Variants in PAWR observed in about 807,000 individuals in gnomAD.
PAWR encodes PRKC apoptosis WT1 regulator protein.
A neutral mutation model predicts 32.0 loss-of-function variants in PAWR; 23 were observed. That is an observed-to-expected ratio of 0.72 (90% confidence interval 0.52 to 1.02). The LOEUF (loss-of-function observed/expected upper bound fraction) is 1.02, where lower values mean the gene tolerates loss of function less well. Ranked by LOEUF, PAWR falls within the 50% of genes least tolerant of loss-of-function variation. PAWR has a pLI of 0.00. For synonymous variants in PAWR, 226 were observed against 187.1 expected (o/e 1.21, Z -1.70); for missense variants, 457 against 437.7 (o/e 1.04, Z -0.39).
At chr12:79,601,476 A>G (rs1873960098) in intron 4 of PAWR, among the ~76,000 whole-genome samples, 1 of 152,080 alleles carries the variant, frequency 6.6e-6, no homozygotes, top group South Asian at 2.1e-4. Context: ...AAGTGCTTGG[A>G]GTAGAAGTCT....
chr12:79,611,644 T>C (rs1282470015), intron 4 of PAWR, among the ~76,000 whole-genome samples: 1 of 151,986 alleles, frequency 6.6e-6, no homozygotes, highest in African/African-American at 2.4e-5. Flanking sequence ...TAGATGGCAT[T>C]AAAATGGAGC....
chr12:79,627,710 A>G (rs919206277), intron 2 of PAWR, among the ~76,000 whole-genome samples: 4 of 152,164 alleles, frequency 2.6e-5, no homozygotes, highest in African/African-American at 2.4e-5. Context: ...TGAGACAAAG[A>G]AGGCCAATAC....
chr12:79,671,677 T>C (rs1052105723), intron 2 of PAWR, among the ~76,000 whole-genome samples: 10 of 152,238 alleles, frequency 6.6e-5, no homozygotes, highest in Non-Finnish European at 1.5e-4. Flanking sequence ...CTTTTTATGA[T>C]AATTAAATAA....
chr12:79,608,129 T>C lies in PAWR; in HGVS notation c.683+5446A>G, dbSNP rs531532539. Among the ~76,000 whole-genome samples the C allele has an allele frequency of 3.3e-5, 5 of 152,260 alleles. No homozygotes were observed. The South Asian group carries it at 8.3e-4, about 25-fold the overall frequency. ...GTGTTGCAACATCTTAAATCTTGAATGAAAACTATGTTTCTAAATAAATTA... is the reference window on the plus strand; with the variant it reads ...GTGTTGCAACATCTTAAATCTTGAACGAAAACTATGTTTCTAAATAAATTA... On this transcript the variant is annotated intron_variant, in intron 4 of 6. Transcript: ENST00000328827.
chr12:79,589,985 AGCAGATCCTAC>A lies in PAWR; in HGVS notation c.*2611_*2621del. The A allele has an allele frequency of 6.6e-6, 1 of 152,180 alleles. No individual in the cohort carries two copies. The highest frequency in any genetic ancestry group is 1.5e-5 in the Non-Finnish European group (1 of 68,026). 9.4% of individuals were successfully genotyped at this position (152,180 alleles called of 1,614,324 possible). On this transcript the variant is annotated 3_prime_UTR_variant, in exon 7 of 7. Coordinates refer to ENST00000328827, the MANE Select transcript of PAWR (RefSeq NM_002583.4). ...TTTATAAATTTTCAGGTGAAACTGT[AGCAGATCCTAC>A]TTTATTTTTCAATGGTTAGTGTAAA...
At chr12:79,653,325 T>C (rs1876941952) in intron 2 of PAWR, among the ~76,000 whole-genome samples, 2 of 152,154 alleles carry the variant, frequency 1.3e-5, no homozygotes, top group African/African-American at 4.8e-5. Context: ...CGTGAGCCAC[T>C]GCACCCAGCC....
At chr12:79,669,317 G>A (rs954753215) in intron 2 of PAWR, among the ~76,000 whole-genome samples, 1 of 152,150 alleles carries the variant, frequency 6.6e-6, no homozygotes, top group Admixed American at 6.5e-5. Context: ...AACTTTCCCT[G>A]CATGGAGGGA....
At chr12:79,598,110 A>G (rs1873830568) in intron 4 of PAWR, 1 of 152,264 alleles carries the variant, frequency 6.6e-6, no homozygotes, top group Admixed American at 6.5e-5. Context: ...TGTCGGTCAT[A>G]ACGCAACCTC....
At chr12:79,602,225 T>C (rs1873991699) in intron 4 of PAWR, among the ~76,000 whole-genome samples, 1 of 152,194 alleles carries the variant, frequency 6.6e-6, no homozygotes, top group Non-Finnish European at 1.5e-5. Flanking sequence ...AGCTTTTAAA[T>C]ATTAATGCCT....
At chr12:79,645,059 C>T (rs1307436597) in intron 2 of PAWR, among the ~76,000 whole-genome samples, 1 of 151,836 alleles carries the variant, frequency 6.6e-6, no homozygotes, top group East Asian at 1.9e-4. Context: ...CACACACACA[C>T]ACACACACAA....
In PAWR at chr12:79,680,865, CCAA is replaced by C. The variant is rs750901734; in HGVS notation, c.516+8861_516+8863del. Among the ~76,000 whole-genome samples, 4 of 151,698 alleles carry C rather than the reference CCAA, an allele frequency of 2.6e-5. No individual in the cohort carries two copies. In the East Asian group the frequency reaches 7.8e-4, roughly 30 times the overall value. Reference sequence around the variant, plus strand: ...GGTGGAGTGGCTCACACCTGTAATCCCAACAACACTTTGAGAGGCCAAGGTGAG... The same window carrying C: ...GGTGGAGTGGCTCACACCTGTAATCCCAACACTTTGAGAGGCCAAGGTGAG... On this transcript the variant is annotated intron_variant, in intron 2 of 6. Coordinates refer to ENST00000328827, the MANE Select transcript of PAWR (RefSeq NM_002583.4).
At chr12:79,615,344 G>T (rs1474379124) in intron 3 of PAWR, among the ~76,000 whole-genome samples, 1 of 151,970 alleles carries the variant, frequency 6.6e-6, no homozygotes, top group Non-Finnish European at 1.5e-5. Context: ...GACAACTTAG[G>T]GAAATAACTT....
In PAWR at chr12:79,625,777, G is replaced by A. The variant is rs372221173; in HGVS notation, c.517-4570C>T. Among the ~76,000 whole-genome samples the A allele has an allele frequency of 1.6e-3, 246 of 151,896 alleles. 7 individuals carry two copies. In the East Asian group the frequency reaches 0.029, roughly 18 times the overall value. On this transcript the variant is annotated intron_variant, in intron 2 of 6. Coordinates refer to ENST00000328827, the MANE Select transcript of PAWR (RefSeq NM_002583.4). ...AGAGCTTGCAGTGAGCCGAGATCAC[G>A]CCACTGCACTCCAGCCTGGGCGACA...
In PAWR at chr12:79,611,435, T is replaced by G. The variant is rs369339245; in HGVS notation, c.683+2140A>C. On this transcript the variant is annotated intron_variant, in intron 4 of 6. Coordinates refer to ENST00000328827, the MANE Select transcript of PAWR (RefSeq NM_002583.4). ...TCTATCTTTTACTCTATTCTCCCTT[T>G]TCTTCATTCCCATTAGTCAGCAGAC... is the stretch of plus-strand genomic sequence containing the variant. Among the ~76,000 whole-genome samples the G allele has an allele frequency of 7.3e-5, 11 of 151,696 alleles. 1 individual carries two copies. The highest frequency in any genetic ancestry group is 3.9e-4 in the Admixed American group (6 of 15,208).
At chr12:79,657,956 AAGG>A (rs1877174602) in intron 2 of PAWR, among the ~76,000 whole-genome samples, 1 of 152,188 alleles carries the variant, frequency 6.6e-6, no homozygotes, top group African/African-American at 2.4e-5. Context: ...AATTTTTCTC[AAGG>A]AGAAAATATG....
At chr12:79,636,852 A>G (rs1345336159) in intron 2 of PAWR, among the ~76,000 whole-genome samples, 3 of 152,134 alleles carry the variant, frequency 2.0e-5, no homozygotes, top group African/African-American at 7.2e-5. Context: ...ATGCCTGTAG[A>G]CACAACATAT....
intron 4 of PAWR, among the ~76,000 whole-genome samples, chr12:79,598,718 C>G (rs1193395787): frequency 1.3e-5 from 2 of 152,090 alleles, no homozygotes; most frequent in African/African-American, 4.8e-5. Context: ...ATCGTAGAAC[C>G]CTTTATAACC....
chr12:79,624,414 A>G (rs1474413840), intron 2 of PAWR, among the ~76,000 whole-genome samples: 1 of 152,140 alleles, frequency 6.6e-6, no homozygotes, highest in Non-Finnish European at 1.5e-5. Context: ...TTGGAGATGA[A>G]CTGGAAGGTG....
At chr12:79,621,927 G>A (rs1240146106) in intron 2 of PAWR, among the ~76,000 whole-genome samples, 5 of 151,988 alleles carry the variant, frequency 3.3e-5, no homozygotes, top group Non-Finnish European at 7.4e-5. Context: ...TGGGTTATCC[G>A]TTCCTTGCAA....
Sources: allele counts gnomAD v4.1 joint callset (sites outside exome capture counted in the v4.1 genomes callset), GRCh38; gene constraint gnomAD v4.1.1; transcripts MANE v1.5; gene names NCBI Gene and HGNC (gene_info 2026-07-23, HGNC 2026-07-21).